Variants in LPP observed in about 807,000 individuals in gnomAD.
The protein encoded by LPP is lipoma-preferred partner.
In LPP, 38 loss-of-function variants were observed where a neutral mutation model predicts 60.4. The ratio of observed to expected loss-of-function variants is 0.63; its 90% confidence interval spans 0.49 to 0.83. The LOEUF is 0.83. Among genes scored for constraint, LPP ranks in the 40% least tolerant of loss-of-function variants. The pLI is 0.00. For synonymous variants in LPP, 328 were observed against 290.8 expected (o/e 1.13, Z -1.30); for missense variants, 902 against 783.6 (o/e 1.15, Z -1.80).
At chr3:188,309,148 G>T (rs764360139) in intron 2 of LPP, among the ~76,000 whole-genome samples, 3 of 150,862 alleles carry the variant, frequency 2.0e-5, no homozygotes, top group Admixed American at 6.6e-5. Context: ...AGCCTCCTCA[G>T]TATCTGGGAT....
chr3:188,770,358 T>G (rs765600358), intron 9 of LPP, among the ~76,000 whole-genome samples: 4,371 of 147,938 alleles, frequency 0.03, 148 homozygotes, highest in African/African-American at 0.076. Flanking sequence ...TTTTTTTTTT[T>G]TTTTTTTGTA....
intron 8 of LPP, among the ~76,000 whole-genome samples, chr3:188,724,024 G>T (rs755049027): frequency 6.6e-6 from 1 of 151,920 alleles, no homozygotes; most frequent in Non-Finnish European, 1.5e-5. Flanking sequence ...TGCAATAGAG[G>T]TTCTCTAGTC....
chr3:188,252,183 A>C lies in LPP; in HGVS notation c.-67+26656A>C, dbSNP rs1352399377. ...TTCTTCCCCAAACATATATATATAT[A>C]TATATATATATATATATATATATGT... On this transcript the variant is annotated intron_variant, in intron 2 of 11. Coordinates refer to ENST00000617246, the MANE Select transcript of LPP (RefSeq NM_001375462.1). 7.5e-5 allele frequency among the ~76,000 whole-genome samples: 6 copies of C among 79,646 alleles called. 1 individual carries two copies. Among genetic ancestry groups the C allele is most frequent in the African/African-American group, 4.3e-4 (6 of 13,986 alleles). The allele number at this position is 79,646 out of a possible 152,430, so 52.3% of individuals were successfully genotyped here. A position where few individuals can be genotyped will look rare whatever the true frequency, so the allele number is the denominator to read the frequency against.
rs536459531 is a variant in LPP at position 188,283,458 on chromosome 3, G to A, written c.-67+57931G>A. Among the ~76,000 whole-genome samples, 49 of 152,154 alleles carry A rather than the reference G, an allele frequency of 3.2e-4. 1 individual carries two copies. Among genetic ancestry groups the A allele is most frequent in the Non-Finnish European group, 7.1e-4 (48 of 68,028 alleles). ...TCCAGGGTCAGACTGCTCACATGAT[G>A]TGCTTGATAAATCCGCCTCCCAACA... On this transcript the variant is annotated intron_variant, in intron 2 of 11. Transcript: ENST00000617246.
At chr3:188,193,889 T>C (rs1439190435) in intron 1 of LPP, among the ~76,000 whole-genome samples, 1 of 152,176 alleles carries the variant, frequency 6.6e-6, no homozygotes, top group Non-Finnish European at 1.5e-5. Context: ...CAGTGGATAG[T>C]TTTTAATTTG....
chr3:188,682,375 G>A (rs139772589), intron 7 of LPP, among the ~76,000 whole-genome samples: 42 of 152,262 alleles, frequency 2.8e-4, no homozygotes, highest in African/African-American at 8.9e-4. Context: ...CATCTCTTGC[G>A]TTTATTAGCA....
chr3:188,791,566 T>C (rs1743767523), intron 9 of LPP, among the ~76,000 whole-genome samples: 1 of 152,152 alleles, frequency 6.6e-6, no homozygotes, highest in Non-Finnish European at 1.5e-5. Flanking sequence ...TTCTTTTTTT[T>C]TTTTACCACT....
intron 1 of LPP, among the ~76,000 whole-genome samples, chr3:188,189,071 T>G (rs956403536): frequency 6.6e-6 from 1 of 152,130 alleles, no homozygotes; most frequent in African/African-American, 2.4e-5. Context: ...GAGGATGTGG[T>G]CCAACAGTGC....
rs956149825 is a variant in LPP, at chr3:188,437,742, C to T, written c.193+31429C>T. Reference sequence around the variant, plus strand: ...ATTGAACTATTGCCATATTACTGGTCGTTTGTGTTATTTCACTGCTTTAAG... The same window carrying T: ...ATTGAACTATTGCCATATTACTGGTTGTTTGTGTTATTTCACTGCTTTAAG... On this transcript the variant is annotated intron_variant, in intron 4 of 11. Coordinates refer to ENST00000617246, the MANE Select transcript of LPP (RefSeq NM_001375462.1). Among the ~76,000 whole-genome samples the T allele has an allele frequency of 5.3e-5, 8 of 152,124 alleles. No individual in the cohort carries two copies. The South Asian group carries it at 8.3e-4, about 16-fold the overall frequency.
intron 3 of LPP, among the ~76,000 whole-genome samples, chr3:188,393,967 A>G (rs1328365929): frequency 6.6e-6 from 1 of 152,200 alleles, no homozygotes; most frequent in Admixed American, 6.5e-5. Flanking sequence ...CCAAAGTGTG[A>G]TGATTTAAAT....
At position 188,452,560 on chromosome 3, in the gene LPP, G is replaced by T. The variant is rs970778636; in HGVS notation, c.194-32032G>T. ...GTGACGTGTATCGAAAAGGAAAAAT[G>T]ACAAATAAGAAAGGACTTGGGAAAA... is the stretch of plus-strand genomic sequence containing the variant. On this transcript the variant is annotated intron_variant, in intron 4 of 11. Transcript: ENST00000617246. Among the ~76,000 whole-genome samples the T allele has an allele frequency of 4.6e-5, 7 of 152,082 alleles. No individual in the cohort carries two copies. In the South Asian group the frequency reaches 1.4e-3, roughly 31 times the overall value.
At chr3:188,567,431 G>A (rs1266547654) in intron 6 of LPP, among the ~76,000 whole-genome samples, 1 of 151,780 alleles carries the variant, frequency 6.6e-6, no homozygotes, top group Non-Finnish European at 1.5e-5. Flanking sequence ...GATTGATGTG[G>A]TAAGAAACCA....
At chr3:188,359,574 G>T (rs1768660126) in intron 3 of LPP, among the ~76,000 whole-genome samples, 1 of 152,088 alleles carries the variant, frequency 6.6e-6, no homozygotes, top group East Asian at 1.9e-4. Context: ...TTCCACGCTG[G>T]GCAGGTCATT....
At chr3:188,170,613 G>C (rs2148799696) in intron 1 of LPP, among the ~76,000 whole-genome samples, 1 of 151,982 alleles carries the variant, frequency 6.6e-6, no homozygotes, top group South Asian at 2.1e-4. Flanking sequence ...TTACAGGTGT[G>C]AGCCACCATG....
chr3:188,234,432 A>G lies in LPP; in HGVS notation c.-67+8905A>G, dbSNP rs146689265. 5.0e-4 allele frequency among the ~76,000 whole-genome samples: 76 copies of G among 152,328 alleles called. 1 individual carries two copies. In the East Asian group the frequency reaches 0.014, roughly 27 times the overall value. On this transcript the variant is annotated intron_variant, in intron 2 of 11. Coordinates refer to ENST00000617246, the MANE Select transcript of LPP (RefSeq NM_001375462.1). ...ACTCAGCTAATGATCACTTAGGAAT[A>G]TCGCCATGGGAGTGGAGAGTGAAAG...
At chr3:188,255,986 A>G (rs1247868607) in intron 2 of LPP, among the ~76,000 whole-genome samples, 6 of 152,310 alleles carry the variant, frequency 3.9e-5, no homozygotes, top group African/African-American at 1.4e-4. Context: ...ATATTTTTCA[A>G]ATTTGTTGTT....
intron 2 of LPP, among the ~76,000 whole-genome samples, chr3:188,276,236 A>G (rs1021746600): frequency 2.0e-5 from 3 of 152,148 alleles, no homozygotes; most frequent in Admixed American, 6.5e-5. Context: ...CAACACAGCC[A>G]TACTTGCTTC....
At chr3:188,589,427 A>G (rs1234219273) in intron 6 of LPP, among the ~76,000 whole-genome samples, 3 of 152,186 alleles carry the variant, frequency 2.0e-5, no homozygotes, top group African/African-American at 7.2e-5. Context: ...CCAATTCTCT[A>G]TCCTGGATAA....
intron 5 of LPP, among the ~76,000 whole-genome samples, chr3:188,509,387 A>G (rs1560496819): frequency 6.6e-6 from 1 of 152,204 alleles, no homozygotes; most frequent in Non-Finnish European, 1.5e-5. Context: ...GACTTGGTCA[A>G]ACATCACATC....
Sources: allele counts gnomAD v4.1 joint callset (sites outside exome capture counted in the v4.1 genomes callset), GRCh38; gene constraint gnomAD v4.1.1; transcripts MANE v1.5; gene names NCBI Gene and HGNC (gene_info 2026-07-23, HGNC 2026-07-21).